AKNAD1: variants seen among roughly 807,000 people sequenced by gnomAD.
AKNAD1 encodes the protein protein AKNAD1.
AKNAD1 carries 67 observed loss-of-function variants against 90.8 expected under a neutral mutation model. The ratio of observed to expected loss-of-function variants is 0.74; its 90% CI spans 0.61 to 0.90. The LOEUF (loss-of-function observed/expected upper bound fraction) is 0.90, where lower values mean the gene tolerates loss of function less well. AKNAD1 is among the 40% of genes least tolerant of loss of function. The pLI is 0.00. For synonymous variants in AKNAD1, 327 were observed against 341.4 expected (o/e 0.96, Z 0.46); for missense variants, 957 against 975.4 (o/e 0.98, Z 0.25).
intron 13 of AKNAD1, among the ~76,000 whole-genome samples, chr1:108,821,513 G>C (rs1343691662): frequency 1.3e-5 from 2 of 152,138 alleles, no homozygotes. Flanking sequence ...AGGTTCCCTG[G>C]GTGCTTGCTG....
chr1:108,824,671 G>A lies in AKNAD1; in HGVS notation c.1937-983C>T, dbSNP rs890831946. On this transcript the variant is annotated intron_variant, in intron 11 of 15. Transcript: ENST00000370001. The stretch of plus-strand genomic sequence containing the variant: ...TCTGTTGCTCCCAGGCTGAAATGCA[G>A]TGGCTCAATCATAAGCCTCAACCTT... Among the ~76,000 whole-genome samples, 8 of 151,578 alleles carry A rather than the reference G, an allele frequency of 5.3e-5. 1 individual carries two copies. The Admixed American group carries it at 5.3e-4, about 10-fold the overall frequency.
chr1:108,816,088 G>C lies in AKNAD1; in HGVS notation c.*83C>G, dbSNP rs1026493496. 1.5e-5 allele frequency: 21 copies of C among 1,377,424 alleles called. No individual in the cohort carries two copies. The African/African-American group carries it at 2.8e-4, about 18-fold the overall frequency. 85.3% of individuals were successfully genotyped at this position (1,377,424 alleles called of 1,614,324 possible). A position where few individuals can be genotyped will look rare whatever the true frequency, so the allele number is the denominator to read the frequency against. On this transcript the variant is annotated 3_prime_UTR_variant, in exon 16 of 16. Transcript: ENST00000370001. ...CTAGAAAGTCATCTTCCTAAATTGTGTAGTAAGTAAAATACATTTTGGGGG... is the reference window on the plus strand; with the variant it reads ...CTAGAAAGTCATCTTCCTAAATTGTCTAGTAAGTAAAATACATTTTGGGGG...
At chr1:108,841,454 C>A (rs1371664517) in intron 6 of AKNAD1, among the ~76,000 whole-genome samples, 2 of 152,106 alleles carry the variant, frequency 1.3e-5, no homozygotes, top group Non-Finnish European at 2.9e-5. Flanking sequence ...TTCTTGAATT[C>A]TTGGCTTCTG....
intron 7 of AKNAD1, among the ~76,000 whole-genome samples, chr1:108,835,644 A>G (rs1178925712): frequency 7.3e-6 from 1 of 137,002 alleles, no homozygotes; most frequent in Non-Finnish European, 1.6e-5. Flanking sequence ...TTTTTTTTTG[A>G]GATGGAGTCT....
At position 108,848,936 on chromosome 1, in the gene AKNAD1, T is replaced by G. The variant is rs1375389362; in HGVS notation, c.1158A>C (p.Glu386Asp). Residue 386 changes from glutamate to aspartate, a missense_variant, in exon 4 of 16, where the codon GAA becomes GAC. Glu to Asp is a conservative substitution (Grantham distance 45). Transcript: ENST00000370001. Reference protein sequence around the residue: ...QGKQMCQKLKEQTDQLKTKVQ... With the variant: ...QGKQMCQKLKDQTDQLKTKVQ... ...CTTTAGTCTTCAGTTGATCAGTCTG[T>G]TCTTTCAACTTCTGACACATCTGTT... is the stretch of plus-strand genomic sequence containing the variant. 13 of 1,607,338 alleles carry G rather than the reference T, an allele frequency of 8.1e-6. No homozygotes were observed. The highest frequency in any genetic ancestry group is 1.1e-5 in the Non-Finnish European group (13 of 1,178,208).
intron 6 of AKNAD1, among the ~76,000 whole-genome samples, chr1:108,841,224 G>A (rs1440537430): frequency 1.3e-5 from 2 of 151,990 alleles, no homozygotes; most frequent in African/African-American, 4.8e-5. Flanking sequence ...GAAATAAAAT[G>A]ATGGAGCAAG....
At chr1:108,840,715 C>T (rs1427728802) in intron 6 of AKNAD1, among the ~76,000 whole-genome samples, 1 of 151,904 alleles carries the variant, frequency 6.6e-6, no homozygotes, top group Admixed American at 6.6e-5. Flanking sequence ...ATATAAGGGG[C>T]TTTTTCAACC....
intron 1 of AKNAD1, among the ~76,000 whole-genome samples, chr1:108,856,540 G>GAA (rs71069609): frequency 0.12 from 18,428 of 149,062 alleles, 1,229 homozygotes; most frequent in Middle Eastern, 0.15. Context: ...TCTCTACAAA[G>GAA]AAAAAAAAAA....
At chr1:108,827,139 C>A in intron 11 of AKNAD1, 66 bp downstream of exon 11, 1 of 1,192,882 alleles carries the variant, frequency 8.4e-7, no homozygotes, top group Admixed American at 1.8e-5. Context: ...CTGGTGCCTA[C>A]TGCGAGCAGA....
At position 108,826,954 on chromosome 1, in the gene AKNAD1, C is replaced by G. The variant is rs183760774; in HGVS notation, c.1936+251G>C. On this transcript the variant is annotated intron_variant, in intron 11 of 15. Coordinates refer to ENST00000370001, the MANE Select transcript of AKNAD1 (RefSeq NM_152763.5). Reference sequence around the variant, plus strand: ...ATGGAATGTCACCATGTTGGCCAGGCTGGTCTTGAACTCCTGAGCTCAAGT... The same window carrying G: ...ATGGAATGTCACCATGTTGGCCAGGGTGGTCTTGAACTCCTGAGCTCAAGT... 2.6e-5 allele frequency among the ~76,000 whole-genome samples: 4 copies of G among 151,370 alleles called. 2 individuals carry two copies. The East Asian group carries it at 8.0e-4, about 30-fold the overall frequency.
intron 6 of AKNAD1, among the ~76,000 whole-genome samples, chr1:108,841,132 C>T (rs967649179): frequency 4.6e-5 from 7 of 152,054 alleles, no homozygotes; most frequent in African/African-American, 1.7e-4. Flanking sequence ...GAGATCGCGC[C>T]ACTGCACTCC....
At chr1:108,822,835 T>C (rs1663860827) in intron 13 of AKNAD1, among the ~76,000 whole-genome samples, 2 of 152,198 alleles carry the variant, frequency 1.3e-5, no homozygotes, top group South Asian at 4.1e-4. Flanking sequence ...GGTATGAGTT[T>C]CTTTCTTTCA....
chr1:108,817,548 C>T (rs1191273207), intron 14 of AKNAD1: 1 of 116,814 alleles, frequency 8.6e-6, no homozygotes, highest in African/African-American at 3.4e-5. Context: ...GTTGCCCAGG[C>T]TGGAGTGCAG....
chr1:108,839,490 GA>G (rs1374501853), intron 6 of AKNAD1, among the ~76,000 whole-genome samples: 1 of 93,560 alleles, frequency 1.1e-5, no homozygotes, highest in African/African-American at 5.0e-5. Flanking sequence ...AAAGAAAAGG[GA>G]AAATTGCCCA....
In AKNAD1 at chr1:108,828,167, C is replaced by T. The variant is rs147300732; in HGVS notation, c.1839-865G>A. 6.3e-4 allele frequency among the ~76,000 whole-genome samples: 96 copies of T among 151,812 alleles called. 1 individual carries two copies. Among genetic ancestry groups the T allele is most frequent in the African/African-American group, 2.2e-3 (93 of 41,534 alleles). On this transcript the variant is annotated intron_variant, in intron 10 of 15. Transcript: ENST00000370001. ...TATGCTATACGTCAGTAATGGGTCA[C>T]GTAGCTTTGGTCCTGGAAGTACAAG...
intron 1 of AKNAD1, among the ~76,000 whole-genome samples, chr1:108,855,817 T>C (rs1432468148): frequency 2.0e-5 from 3 of 148,232 alleles, no homozygotes; most frequent in African/African-American, 7.4e-5. Flanking sequence ...AATAAATAAA[T>C]CACTAAGCAA....
intron 1 of AKNAD1, 125 bp from the exon 2 acceptor site, chr1:108,852,892 AACCACAAG>A: frequency 2.7e-6 from 1 of 373,048 alleles, no homozygotes; most frequent in Admixed American, 4.5e-5. Flanking sequence ...CAGGAAGCTC[AACCACAAG>A]CTGACCCAAC....
chr1:108,853,096 A>T (rs1664919271), intron 1 of AKNAD1, among the ~76,000 whole-genome samples: 1 of 151,414 alleles, frequency 6.6e-6, no homozygotes, highest in African/African-American at 2.4e-5. Context: ...CAAAGTAGGA[A>T]CTTGGGATGC....
intron 6 of AKNAD1, among the ~76,000 whole-genome samples, chr1:108,838,329 C>CCA (rs1369207486): frequency 1.9e-4 from 26 of 136,280 alleles, no homozygotes; most frequent in African/African-American, 5.5e-4. Flanking sequence ...GCCCCCCCCC[C>CCA]AAAAAAAACC....
Sources: allele counts gnomAD v4.1 joint callset (sites outside exome capture counted in the v4.1 genomes callset), GRCh38; gene constraint gnomAD v4.1.1; transcripts MANE v1.5; gene names NCBI Gene and HGNC (gene_info 2026-07-23, HGNC 2026-07-21).